The following CTNNA3 variants were observed in gnomAD, a reference collection of about 807,000 sequenced individuals.
The protein encoded by CTNNA3 is catenin alpha 3, also known as catenin alpha-3.
Under a neutral mutation model 95.7 loss-of-function variants are expected in CTNNA3, and 76 were observed. The ratio of observed to expected loss-of-function variants is 0.79; its 90% CI spans 0.66 to 0.96. The LOEUF (loss-of-function observed/expected upper bound fraction) is 0.96, where lower values mean the gene tolerates loss of function less well. Ranked by LOEUF, CTNNA3 falls within the 40% of genes least tolerant of loss-of-function variation. The pLI is 0.00. For missense variants in CTNNA3, 1,191 were observed against 1,089.8 expected (o/e 1.09, Z -1.31); for synonymous variants, 431 against 374.4 (o/e 1.15, Z -1.74).
chr10:67,362,019 G>C (rs764020500), intron 5 of CTNNA3, among the ~76,000 whole-genome samples: 3 of 152,058 alleles, frequency 2.0e-5, no homozygotes, highest in Non-Finnish European at 4.4e-5. Context: ...AGAAAATCTA[G>C]AGGAAATGAA....
At chr10:67,001,093 G>A (rs1851656900) in intron 7 of CTNNA3, among the ~76,000 whole-genome samples, 1 of 151,948 alleles carries the variant, frequency 6.6e-6, no homozygotes, top group African/African-American at 2.4e-5. Flanking sequence ...ATGAGGTCAG[G>A]AGATCGAGAC....
chr10:66,583,204 A>G (rs1408860979), intron 10 of CTNNA3, among the ~76,000 whole-genome samples: 1 of 151,828 alleles, frequency 6.6e-6, no homozygotes, highest in Non-Finnish European at 1.5e-5. Context: ...AATAGATTCA[A>G]TCGAATTAGT....
intron 7 of CTNNA3, among the ~76,000 whole-genome samples, chr10:66,784,530 T>C (rs890455183): frequency 6.6e-6 from 1 of 152,250 alleles, no homozygotes; most frequent in South Asian, 2.1e-4. Flanking sequence ...TCAAAGATAG[T>C]CTCTCCCTTT....
intron 7 of CTNNA3, among the ~76,000 whole-genome samples, chr10:66,977,375 G>A (rs901019755): frequency 5.3e-5 from 8 of 151,730 alleles, no homozygotes; most frequent in African/African-American, 1.7e-4. Flanking sequence ...AGCAGAGGTT[G>A]CAGTGAGCCA....
chr10:67,330,595 C>T (rs567506741), intron 5 of CTNNA3, among the ~76,000 whole-genome samples: 1 of 152,114 alleles, frequency 6.6e-6, no homozygotes, highest in African/African-American at 2.4e-5. Context: ...GGGAGGCAGT[C>T]AGAAGAACAG....
chr10:67,704,485 T>C (rs1327398060), intron 1 of CTNNA3, among the ~76,000 whole-genome samples: 2 of 152,150 alleles, frequency 1.3e-5, no homozygotes, highest in East Asian at 1.9e-4. Context: ...TATCTACAAC[T>C]ATCTGATCTT....
chr10:66,024,020 T>C (rs986698957), intron 15 of CTNNA3, among the ~76,000 whole-genome samples: 2 of 151,960 alleles, frequency 1.3e-5, no homozygotes, highest in Admixed American at 1.3e-4. Flanking sequence ...GTTAGAACAA[T>C]TTGGTTTAGT....
At chr10:67,025,338 A>C (rs753016095) in intron 7 of CTNNA3, among the ~76,000 whole-genome samples, 35 of 151,882 alleles carry the variant, frequency 2.3e-4, no homozygotes, top group Admixed American at 9.8e-4. Flanking sequence ...TGCAAAAAAA[A>C]AAACTCCTCT....
intron 5 of CTNNA3, among the ~76,000 whole-genome samples, chr10:67,275,678 G>C (rs1451425732): frequency 1.3e-5 from 2 of 152,100 alleles, no homozygotes; most frequent in Non-Finnish European, 2.9e-5. Flanking sequence ...AACCAAACTG[G>C]AATTTTCCCA....
chr10:67,112,903 T>C (rs891684698), intron 7 of CTNNA3, among the ~76,000 whole-genome samples: 1 of 152,114 alleles, frequency 6.6e-6, no homozygotes, highest in African/African-American at 2.4e-5. Context: ...GTGAGTAATG[T>C]ACTTCAGAGC....
chr10:67,490,792 G>A (rs1306170860), intron 5 of CTNNA3, among the ~76,000 whole-genome samples: 1 of 152,072 alleles, frequency 6.6e-6, no homozygotes, highest in African/African-American at 2.4e-5. Context: ...GAAAGGCCTT[G>A]GGAGAGAGAA....
At chr10:67,042,394 A>T (rs1391267934) in intron 7 of CTNNA3, among the ~76,000 whole-genome samples, 1 of 152,136 alleles carries the variant, frequency 6.6e-6, no homozygotes, top group African/African-American at 2.4e-5. Flanking sequence ...TAAGCAGTTG[A>T]ATAATTATAT....
chr10:66,693,316 C>A (rs1188446831), intron 9 of CTNNA3, among the ~76,000 whole-genome samples: 1 of 146,374 alleles, frequency 6.8e-6, no homozygotes, highest in African/African-American at 2.6e-5. Flanking sequence ...CAATCCTAGT[C>A]TCTGATAAAA....
chr10:67,715,570 C>A (rs112312872), intron 1 of CTNNA3, among the ~76,000 whole-genome samples: 5,258 of 152,158 alleles, frequency 0.035, 97 homozygotes, highest in Middle Eastern at 0.085. Context: ...TAGCAGGAAT[C>A]CCTTCTCTGA....
chr10:66,528,976 T>C (rs1047465403), intron 10 of CTNNA3, among the ~76,000 whole-genome samples: 1 of 152,166 alleles, frequency 6.6e-6, no homozygotes, highest in Admixed American at 6.6e-5. Context: ...TTTCTGGATT[T>C]TGCTATATTT....
At chr10:66,367,744 T>C (rs1314801035) in intron 12 of CTNNA3, among the ~76,000 whole-genome samples, 1 of 149,032 alleles carries the variant, frequency 6.7e-6, no homozygotes, top group East Asian at 1.9e-4. Context: ...GCCTCCTGGG[T>C]GGGGACTGGT....
intron 1 of CTNNA3, among the ~76,000 whole-genome samples, chr10:67,705,783 A>C (rs1841074774): frequency 6.9e-6 from 1 of 145,456 alleles, no homozygotes; most frequent in African/African-American, 2.6e-5. Flanking sequence ...TATAATAATA[A>C]TAAAAAAAAA....
chr10:66,759,592 T>G (rs998996561), intron 9 of CTNNA3, among the ~76,000 whole-genome samples: 7 of 152,194 alleles, frequency 4.6e-5, no homozygotes, highest in East Asian at 1.9e-4. Flanking sequence ...CAGTATATGG[T>G]CACAATAGGC....
intron 1 of CTNNA3, among the ~76,000 whole-genome samples, chr10:67,705,214 G>A (rs1167724794): frequency 6.6e-6 from 1 of 152,134 alleles, no homozygotes; most frequent in African/African-American, 2.4e-5. Context: ...GTGGAAGACA[G>A]TGTGGCGATT....
Sources: gnomAD v4.1 joint callset for allele counts (sites outside exome capture counted in the v4.1 genomes callset) on GRCh38, gnomAD v4.1.1 for gene constraint, MANE v1.5 for transcripts, NCBI Gene and HGNC (gene_info 2026-07-23, HGNC 2026-07-21) for gene names.